The following KCNH2 variants were observed in gnomAD, a reference collection of about 807,000 sequenced individuals.
KCNH2 encodes voltage-gated inwardly rectifying potassium channel KCNH2.
In KCNH2, 35 loss-of-function variants were observed where a neutral mutation model predicts 95.9. The ratio of observed to expected loss-of-function variants is 0.37; its 90% CI spans 0.28 to 0.48. The LOEUF is 0.48. Among genes scored for constraint, KCNH2 ranks in the 20% least tolerant of loss-of-function variants. KCNH2 has a pLI of 0.99. For synonymous variants in KCNH2, 786 were observed against 754.7 expected (o/e 1.04, Z -0.68); for missense variants, 1,274 against 1,702.9 (o/e 0.75, Z 4.43).
At chr7:150,950,847 G>C in intron 8 of KCNH2, 74 bp downstream of exon 8, 6 of 1,469,520 alleles carry the variant, frequency 4.1e-6, no homozygotes, top group Non-Finnish European at 5.7e-6. Flanking sequence ...CTTGTTTGCT[G>C]TGCCAAGAGG....
Position 150,945,362 on chromosome 7 carries a change from C to A in KCNH2, c.*3G>T, listed in dbSNP as rs1202408059. On this transcript the variant is annotated 3_prime_UTR_variant, in exon 15 of 15. Coordinates refer to ENST00000262186, the MANE Select transcript of KCNH2 (RefSeq NM_000238.4). The surrounding 1 kb of genome is among the most constrained non-coding windows in gnomAD (Gnocchi z 5.6). ...AGCCACGTGTCCACACTGGGCAGCCCCACTAACTGCCCGGGTCCGAGCCGT... is the reference window on the plus strand; with the variant it reads ...AGCCACGTGTCCACACTGGGCAGCCACACTAACTGCCCGGGTCCGAGCCGT... 1 of 1,586,428 alleles carries A rather than the reference C, an allele frequency of 6.3e-7. No homozygotes were observed. The highest frequency in any genetic ancestry group is 8.6e-7 in the Non-Finnish European group (1 of 1,167,800).
chr7:150,976,679 T>A (rs926914522), intron 1 of KCNH2, among the ~76,000 whole-genome samples: 1 of 150,682 alleles, frequency 6.6e-6, no homozygotes, highest in African/African-American at 2.5e-5. Context: ...GAGGGAAGAG[T>A]CACTCAAGGT....
Position 150,947,512 on chromosome 7 carries a change from C to T in KCNH2, c.2968G>A (p.Ala990Thr), listed in dbSNP as rs754362735. Residue 990 changes from alanine (A) to threonine (T), a missense_variant and splice_region_variant, in exon 13 of 15, where the codon GCC becomes ACC. By Grantham distance (58) the Ala-to-Thr change is moderately conservative. Around this residue, in one of 7 missense-constraint regions of KCNH2, gnomAD observed 457 missense variants for 416.1 expected, o/e 1.10. Coordinates refer to ENST00000262186, the MANE Select transcript of KCNH2 (RefSeq NM_000238.4). ...SSDTCNPLSGAFSGVSNIFSF... is the reference protein window; with the variant it reads ...SSDTCNPLSGTFSGVSNIFSF... Reference sequence around the variant, plus strand: ...AAAATGTTGGACACTCCTGAGAAGGCGCCTGCAGCCAGAGAGCAGAGCTGG... The same window carrying T: ...AAAATGTTGGACACTCCTGAGAAGGTGCCTGCAGCCAGAGAGCAGAGCTGG... The T allele has an allele frequency of 7.5e-6, 12 of 1,593,064 alleles. No homozygotes were observed. The highest frequency in any genetic ancestry group is 1.0e-5 in the Non-Finnish European group (12 of 1,170,772).
Position 150,958,494 on chromosome 7 carries a change from TGGCGC to T in KCNH2, c.476_480del (p.Arg159GlnfsTer171). ...GCGGGCAGCTTCAGGCGGAAGGTCT[TGGCGC>T]GGCCTGCGGGAGAGGAGAGGCACGT... On this transcript the variant is annotated frameshift_variant, in exon 4 of 15. Coordinates refer to ENST00000262186, the MANE Select transcript of KCNH2 (RefSeq NM_000238.4). LOFTEE classifies it high-confidence loss of function. 1 of 1,475,862 alleles carries T rather than the reference TGGCGC, an allele frequency of 6.8e-7. No homozygotes were observed. The highest frequency in any genetic ancestry group is 2.3e-5 in the Admixed American group (1 of 42,590). The allele number at this position is 1,475,862 out of a possible 1,614,324, so 91.4% of individuals were successfully genotyped here.
In KCNH2 at chr7:150,977,829, C is replaced by A; in HGVS notation, c.76+9G>T. The A allele has an allele frequency of 6.3e-7, 1 of 1,585,542 alleles. No homozygotes were observed. On this transcript the variant is annotated intron_variant, in intron 1 of 14. Coordinates refer to ENST00000262186, the MANE Select transcript of KCNH2 (RefSeq NM_000238.4). Reference sequence around the variant, plus strand: ...GCCCCCTCCCCGCTCAGCCCCCTCCCCCACTCACTCTGGCCCTCAAACTTG... The same window carrying A: ...GCCCCCTCCCCGCTCAGCCCCCTCCACCACTCACTCTGGCCCTCAAACTTG...
rs1800846146 is a variant in KCNH2 at position 150,945,196 on chromosome 7, G to T, written c.*169C>A. The T allele has an allele frequency of 5.4e-6, 4 of 744,098 alleles. No individual in the cohort carries two copies. The highest frequency in any genetic ancestry group is 5.8e-5 in the Admixed American group (2 of 34,292). 46.1% of individuals were successfully genotyped at this position (744,098 alleles called of 1,614,324 possible). Reference sequence around the variant, plus strand: ...CCCTGCCCCTGCCCCTCTCACTGGGGCCCAGGGGACTGCAGGAGAAGATGG... The same window carrying T: ...CCCTGCCCCTGCCCCTCTCACTGGGTCCCAGGGGACTGCAGGAGAAGATGG... On this transcript the variant is annotated 3_prime_UTR_variant, in exon 15 of 15. Coordinates refer to ENST00000262186, the MANE Select transcript of KCNH2 (RefSeq NM_000238.4). This position sits in a 1 kb window ranked among gnomAD's most constrained non-coding sequence, Gnocchi z 5.6.
rs753233035 is a variant in KCNH2 at position 150,977,937 on chromosome 7, C to G, written c.-24G>C. The G allele has an allele frequency of 1.9e-6, 3 of 1,559,760 alleles. No individual in the cohort carries two copies. Among genetic ancestry groups the G allele is most frequent in the South Asian group, 2.3e-5 (2 of 86,588 alleles). ...ATCCTGAGCCCATGGGCGGGCCGGG[C>G]GGGCCCCCACCCACCCCGGCCCGGC... is the stretch of plus-strand genomic sequence containing the variant. On this transcript the variant is annotated 5_prime_UTR_variant, in exon 1 of 15. Transcript: ENST00000262186.
At position 150,957,555 on chromosome 7, in the gene KCNH2, C is replaced by T. The variant is rs1801419164; in HGVS notation, c.917-53G>A. On this transcript the variant is annotated intron_variant, in intron 4 of 14. Coordinates refer to ENST00000262186, the MANE Select transcript of KCNH2 (RefSeq NM_000238.4). ...CAGCAGCCCAGGGCCCCAGGCCAGG[C>T]AGGCCACCCATAGATCGAGAGTGGA... The T allele has an allele frequency of 2.2e-6, 3 of 1,375,208 alleles. No homozygotes were observed. Among genetic ancestry groups the T allele is most frequent in the Non-Finnish European group, 3.1e-6 (3 of 968,754 alleles). 85.2% of individuals were successfully genotyped at this position (1,375,208 alleles called of 1,614,324 possible).
intron 11 of KCNH2, 91 bp from the exon 12 acceptor site, chr7:150,947,969 G>A (rs890314391): frequency 5.0e-6 from 7 of 1,409,832 alleles, no homozygotes; most frequent in Admixed American, 5.0e-5. Flanking sequence ...GAGCCCGAGA[G>A]AGGACTGGGC....
In KCNH2 at chr7:150,946,940, AGTGGGGCCAGGCCCCGGG is replaced by A; in HGVS notation, c.3249_3266del (p.Pro1084_Thr1089del). The A allele has an allele frequency of 1.9e-6, 3 of 1,600,872 alleles. No homozygotes were observed. Among genetic ancestry groups the A allele is most frequent in the Non-Finnish European group, 2.6e-6 (3 of 1,171,934 alleles). Reference sequence around the variant, plus strand: ...TGACGGGCAACAGCGGGGATGTGGAAGTGGGGCCAGGCCCCGGGGTGGTCACAGCACTGTAGGCGGGCG... The same window carrying A: ...TGACGGGCAACAGCGGGGATGTGGAAGTGGTCACAGCACTGTAGGCGGGCG... On this transcript the variant is annotated inframe_deletion, in exon 14 of 15. Coordinates refer to ENST00000262186, the MANE Select transcript of KCNH2 (RefSeq NM_000238.4). The surrounding 1 kb of genome is among the most constrained non-coding windows in gnomAD (Gnocchi z 6.5).
At position 150,945,381 on chromosome 7, in the gene KCNH2, G is replaced by A. The variant is rs867402580; in HGVS notation, c.3464C>T (p.Ser1155Leu). Residue 1155 changes from serine to leucine, a missense_variant, in exon 15 of 15, where the codon TCG becomes TTG. This residue lies in a region of KCNH2 where 457 missense variants were observed against 416.1 expected (regional missense o/e 1.10). Transcript: ENST00000262186. This position sits in a 1 kb window ranked among gnomAD's most constrained non-coding sequence, Gnocchi z 5.6. ...GCAGCCCCACTAACTGCCCGGGTCC[G>A]AGCCGTGTCTGTGCAGGGGCTGGGA... ...LTSQPLHRHGSDPGS is the reference protein window; with the variant it reads ...LTSQPLHRHGLDPGS 20 of 1,590,830 alleles carry A rather than the reference G, an allele frequency of 1.3e-5. No individual in the cohort carries two copies. Among genetic ancestry groups the A allele is most frequent in the African/African-American group, 4.0e-5 (3 of 74,500 alleles).
At chr7:150,972,548 G>C (rs1170727864) in intron 2 of KCNH2, among the ~76,000 whole-genome samples, 9 of 152,356 alleles carry the variant, frequency 5.9e-5, no homozygotes, top group Admixed American at 3.9e-4. Flanking sequence ...AGGCCAGCCT[G>C]TTGGCCAACA....
chr7:150,947,176 G>C (rs1192768468), intron 13 of KCNH2, 122 bp from the exon 14 acceptor site: 1 of 1,111,780 alleles, frequency 9.0e-7, no homozygotes, highest in African/African-American at 1.6e-5. Context: ...CTCCGCGCTA[G>C]AGGTGTGGCA....
At chr7:150,971,904 C>A (rs1264972227) in intron 2 of KCNH2, among the ~76,000 whole-genome samples, 1 of 151,986 alleles carries the variant, frequency 6.6e-6, no homozygotes, top group Non-Finnish European at 1.5e-5. Flanking sequence ...GCCCCCATGG[C>A]GATGTGGGAG....
intron 8 of KCNH2, 60 bp from the exon 9 acceptor site, chr7:150,950,480 C>G: frequency 6.3e-7 from 1 of 1,590,540 alleles, no homozygotes; most frequent in Non-Finnish European, 8.5e-7. Context: ...AACCCACACT[C>G]TACTCCACCA....
rs976774515 is a variant in KCNH2, at chr7:150,955,940, C to T, written c.1128+1351G>A. ...CAGCCCGCCCAGGCTCCTGCAGCGGCGCTCCCGCAGCCTGAGCCCCTCCCC... is the reference window on the plus strand; with the variant it reads ...CAGCCCGCCCAGGCTCCTGCAGCGGTGCTCCCGCAGCCTGAGCCCCTCCCC... On this transcript the variant is annotated intron_variant, in intron 5 of 14. Transcript: ENST00000262186. 36 of 731,956 alleles carry T rather than the reference C, an allele frequency of 4.9e-5. No homozygotes were observed. The East Asian group carries it at 6.4e-4, about 13-fold the overall frequency. The allele number at this position is 731,956 out of a possible 1,614,324, so 45.3% of individuals were successfully genotyped here. A position where few individuals can be genotyped will look rare whatever the true frequency, so the allele number is the denominator to read the frequency against.
rs1000088604 is a variant in KCNH2, at chr7:150,961,962, C to T, written c.308-2226G>A. Among the ~76,000 whole-genome samples, 18 of 152,194 alleles carry T rather than the reference C, an allele frequency of 1.2e-4. No homozygotes were observed. The highest frequency in any genetic ancestry group is 3.9e-4 in the African/African-American group (16 of 41,434). On this transcript the variant is annotated intron_variant, in intron 2 of 14. Transcript: ENST00000262186. This position sits in a 1 kb window ranked among gnomAD's most constrained non-coding sequence, Gnocchi z 6.2. ...GTGAAGGGGCTGGCCAGGAACTCTC[C>T]GCCCCACCCCACAGCTCTTCCACTC...
Position 150,945,192 on chromosome 7 carries a change from TG to T in KCNH2, c.*172del. On this transcript the variant is annotated 3_prime_UTR_variant, in exon 15 of 15. Coordinates refer to ENST00000262186, the MANE Select transcript of KCNH2 (RefSeq NM_000238.4). This position sits in a 1 kb window ranked among gnomAD's most constrained non-coding sequence, Gnocchi z 5.6. ...CCGGCCCTGCCCCTGCCCCTCTCAC[TG>T]GGGCCCAGGGGACTGCAGGAGAAGA... is the stretch of plus-strand genomic sequence containing the variant. 2.8e-6 allele frequency: 2 copies of T among 724,704 alleles called. No individual in the cohort carries two copies. Among genetic ancestry groups the T allele is most frequent in the Non-Finnish European group, 4.4e-6 (2 of 452,992 alleles). 44.9% of individuals were successfully genotyped at this position (724,704 alleles called of 1,614,324 possible).
rs1271569171 is a variant in KCNH2 at position 150,949,631 on chromosome 7, T to C, written c.2398+537A>G. 6.4e-6 allele frequency: 7 copies of C among 1,099,732 alleles called. No homozygotes were observed. In the East Asian group the frequency reaches 2.9e-4, roughly 45 times the overall value. 68.1% of individuals were successfully genotyped at this position (1,099,732 alleles called of 1,614,324 possible). On this transcript the variant is annotated intron_variant, in intron 9 of 14. Transcript: ENST00000262186. ...CAACTATGGTCGAAAGAGCTTGCTATATCTGCCCTGAGGCACACAGGGCCG... is the reference window on the plus strand; with the variant it reads ...CAACTATGGTCGAAAGAGCTTGCTACATCTGCCCTGAGGCACACAGGGCCG...
Sources: allele counts gnomAD v4.1 joint callset (sites outside exome capture counted in the v4.1 genomes callset), GRCh38; gene constraint gnomAD v4.1.1; regional missense constraint gnomAD v4.1.1; non-coding constraint Gnocchi (gnomAD v3.1); transcripts MANE v1.5; gene names NCBI Gene and HGNC (gene_info 2026-07-23, HGNC 2026-07-21).